Variants in SLC2A13 observed in about 807,000 individuals in gnomAD.
SLC2A13 encodes solute carrier family 2 member 13, also known as proton myo-inositol cotransporter.
Under a neutral mutation model 64.4 loss-of-function variants are expected in SLC2A13, and 32 were observed. That is an observed-to-expected ratio of 0.50 (90% CI 0.37 to 0.67). The LOEUF (loss-of-function observed/expected upper bound fraction) is 0.67, where lower values mean the gene tolerates loss of function less well. Ranked by LOEUF, SLC2A13 falls within the 30% of genes least tolerant of loss-of-function variation. The pLI, the probability that SLC2A13 is intolerant of heterozygous loss-of-function variation, is 0.00. For missense variants in SLC2A13, 743 were observed against 829.2 expected, an observed-to-expected ratio of 0.90 and a Z score of 1.28; for synonymous variants, 338 against 327.1, an observed-to-expected ratio of 1.03 and a Z score of -0.36.
At chr12:40,084,469 C>T (rs1938525425) in intron 1 of SLC2A13, among the ~76,000 whole-genome samples, 1 of 151,768 alleles carries the variant, frequency 6.6e-6, no homozygotes, top group South Asian at 2.1e-4. Context: ...AGCCAGCAAG[C>T]CAAGCTTACT....
intron 7 of SLC2A13, among the ~76,000 whole-genome samples, chr12:39,775,331 A>T (rs1242337679): frequency 6.6e-6 from 1 of 152,218 alleles, no homozygotes; most frequent in Non-Finnish European, 1.5e-5. Context: ...TTTGGCACCA[A>T]ACTGGCCAAC....
intron 4 of SLC2A13, among the ~76,000 whole-genome samples, chr12:39,900,643 A>G (rs1945070599): frequency 1.3e-5 from 2 of 152,206 alleles, no homozygotes; most frequent in South Asian, 4.1e-4. Context: ...GACGTGAAGG[A>G]CCTCTTCAAG....
At chr12:39,921,478 G>A (rs1945614743) in intron 4 of SLC2A13, among the ~76,000 whole-genome samples, 2 of 151,994 alleles carry the variant, frequency 1.3e-5, no homozygotes, top group African/African-American at 2.4e-5. Context: ...TCATGGGAGC[G>A]TCCAGCACCT....
At chr12:39,792,290 A>G (rs1356352895) in intron 7 of SLC2A13, among the ~76,000 whole-genome samples, 2 of 149,176 alleles carry the variant, frequency 1.3e-5, no homozygotes, top group Admixed American at 6.7e-5. Context: ...AAACCTAGGC[A>G]TTACCATTCA....
intron 9 of SLC2A13, among the ~76,000 whole-genome samples, chr12:39,760,643 C>T (rs762411939): frequency 1.9e-4 from 29 of 151,896 alleles, no homozygotes; most frequent in Non-Finnish European, 4.0e-4. Flanking sequence ...TTGTCTATTA[C>T]ACTAGAGGCA....
chr12:39,857,659 C>T (rs1943643519), intron 6 of SLC2A13, among the ~76,000 whole-genome samples: 1 of 152,116 alleles, frequency 6.6e-6, no homozygotes, highest in African/African-American at 2.4e-5. Flanking sequence ...ATCCTATTAC[C>T]CTTTGAAGGC....
chr12:39,944,819 C>T (rs1592306447), intron 4 of SLC2A13, among the ~76,000 whole-genome samples: 1 of 152,142 alleles, frequency 6.6e-6, no homozygotes, highest in East Asian at 1.9e-4. Flanking sequence ...TTAAGTGGAG[C>T]ATTTAGGTCA....
intron 6 of SLC2A13, among the ~76,000 whole-genome samples, chr12:39,857,138 CT>C (rs1943630498): frequency 6.6e-6 from 1 of 152,182 alleles, no homozygotes; most frequent in Non-Finnish European, 1.5e-5. Context: ...GTTTTTCCCC[CT>C]TTATCTTGTT....
intron 3 of SLC2A13, among the ~76,000 whole-genome samples, chr12:39,987,540 C>T (rs1044916829): frequency 6.6e-6 from 1 of 152,144 alleles, no homozygotes; most frequent in African/African-American, 2.4e-5. Context: ...GCTACTGCAT[C>T]CTTTGAGATA....
intron 1 of SLC2A13, among the ~76,000 whole-genome samples, chr12:40,070,804 C>A (rs1395331085): frequency 2.6e-5 from 4 of 152,148 alleles, no homozygotes; most frequent in Non-Finnish European, 4.4e-5. Flanking sequence ...TTTATTGCAG[C>A]ATTTTCTTAT....
intron 4 of SLC2A13, among the ~76,000 whole-genome samples, chr12:39,894,053 C>T (rs555313088): frequency 1.3e-5 from 2 of 152,296 alleles, no homozygotes; most frequent in South Asian, 4.1e-4. Flanking sequence ...GCAGTTAGTA[C>T]ATTAATGTTC....
At chr12:40,065,097 T>C (rs898795500) in intron 1 of SLC2A13, among the ~76,000 whole-genome samples, 1 of 152,072 alleles carries the variant, frequency 6.6e-6, no homozygotes, top group East Asian at 1.9e-4. Flanking sequence ...AAAAATGAGA[T>C]AGAACAGCAA....
intron 4 of SLC2A13, among the ~76,000 whole-genome samples, chr12:39,903,575 C>T (rs1945193475): frequency 6.6e-6 from 1 of 151,976 alleles, no homozygotes; most frequent in South Asian, 2.1e-4. Flanking sequence ...AGGTACGTGG[C>T]AAAAACCAAA....
intron 6 of SLC2A13, among the ~76,000 whole-genome samples, chr12:39,855,638 A>G (rs759919619): frequency 7.2e-5 from 11 of 152,240 alleles, no homozygotes; most frequent in Non-Finnish European, 1.5e-4. Context: ...ACTTTCAAAA[A>G]TGTTTATTAA....
At chr12:39,846,520 C>T (rs937220551) in intron 6 of SLC2A13, among the ~76,000 whole-genome samples, 2 of 152,148 alleles carry the variant, frequency 1.3e-5, no homozygotes, top group African/African-American at 2.4e-5. Flanking sequence ...GGTGCAATCT[C>T]AGGTTACTTC....
At chr12:39,991,816 T>A (rs140941552) in intron 3 of SLC2A13, among the ~76,000 whole-genome samples, 1 of 149,702 alleles carries the variant, frequency 6.7e-6, no homozygotes, top group Admixed American at 6.7e-5. Flanking sequence ...TAAAAAAAAA[T>A]GAAACGGTGA....
intron 7 of SLC2A13, among the ~76,000 whole-genome samples, chr12:39,790,763 T>G (rs112094158): frequency 0.92 from 47,515 of 51,634 alleles, 21,872 homozygotes; most frequent in East Asian, 0.98. Flanking sequence ...TCAAATGGTA[T>G]TTCTAGTTCT....
rs1442614591 is a variant in SLC2A13 at position 40,105,825 on chromosome 12, G to T, written c.-17C>A. ...GCGGGACATAGGGCAGGGGCCCGGG[G>T]CTGCCCGGGGGGACGCGGCTCCGCG... is the stretch of plus-strand genomic sequence containing the variant. On this transcript the variant is annotated 5_prime_UTR_variant, in exon 1 of 10. Transcript: ENST00000280871. This position sits in a 1 kb window ranked among gnomAD's most constrained non-coding sequence, Gnocchi z 4.2. 1.4e-6 allele frequency: 2 copies of T among 1,421,704 alleles called. No homozygotes were observed. The highest frequency in any genetic ancestry group is 3.0e-5 in the African/African-American group (2 of 66,774). 88.1% of individuals were successfully genotyped at this position (1,421,704 alleles called of 1,614,324 possible).
At chr12:40,082,096 A>G (rs1004952282) in intron 1 of SLC2A13, among the ~76,000 whole-genome samples, 7 of 152,286 alleles carry the variant, frequency 4.6e-5, no homozygotes, top group Admixed American at 3.3e-4. Context: ...TAACACTCCA[A>G]TGCAGTCTGC....
Sources: gnomAD v4.1 joint callset for allele counts (sites outside exome capture counted in the v4.1 genomes callset) on GRCh38, gnomAD v4.1.1 for gene constraint, Gnocchi (gnomAD v3.1) non-coding constraint, MANE v1.5 for transcripts, NCBI Gene and HGNC (gene_info 2026-07-23, HGNC 2026-07-21) for gene names.